Variants in BRWD1 observed in about 807,000 individuals in gnomAD.
BRWD1 encodes the protein bromodomain and WD repeat domain containing 1.
In BRWD1, 82 loss-of-function variants were observed where a neutral mutation model predicts 251.2. That is an observed-to-expected ratio of 0.33 (90% CI 0.27 to 0.39). The LOEUF (loss-of-function observed/expected upper bound fraction) is 0.39, where lower values mean the gene tolerates loss of function less well. Among genes scored for constraint, BRWD1 ranks in the 10% least tolerant of loss-of-function variants. BRWD1 has a pLI of 1.00. For missense variants in BRWD1, 2,233 were observed against 2,711.6 expected, an observed-to-expected ratio of 0.82 and a Z score of 3.92; for synonymous variants, 918 against 902.8, an observed-to-expected ratio of 1.02 and a Z score of -0.30.
intron 25 of BRWD1, among the ~76,000 whole-genome samples, chr21:39,231,222 C>T (rs950266565): frequency 6.6e-6 from 1 of 152,088 alleles, no homozygotes; most frequent in African/African-American, 2.4e-5. Context: ...TACTACTACC[C>T]CACAGATCAT....
At chr21:39,209,834 G>C in intron 36 of BRWD1, 161 bp downstream of exon 36, 2 of 659,838 alleles carry the variant, frequency 3.0e-6, no homozygotes, top group Non-Finnish European at 2.3e-6. Flanking sequence ...AGCAGTAGCA[G>C]AAGCTCTTTT....
intron 39 of BRWD1, among the ~76,000 whole-genome samples, chr21:39,199,919 T>C (rs2234545): frequency 0.1 from 15,517 of 152,162 alleles, 924 homozygotes; most frequent in East Asian, 0.14. Flanking sequence ...CCTGGCTAAT[T>C]TTTTGTATTT....
Position 39,193,200 on chromosome 21 carries a change from G to A in BRWD1, c.*3059C>T. The A allele has an allele frequency of 1.0e-6, 1 of 984,998 alleles. No individual in the cohort carries two copies. Among genetic ancestry groups the A allele is most frequent in the Non-Finnish European group, 1.2e-6 (1 of 829,656 alleles). The allele number at this position is 984,998 out of a possible 1,614,324, so 61.0% of individuals were successfully genotyped here. ...AAACCCAATTTCCTCTTTAGGTGCA[G>A]CTCTACTATTTGAAAGGAACCTTTC... On this transcript the variant is annotated 3_prime_UTR_variant, in exon 41 of 41. Transcript: ENST00000342449.
At chr21:39,265,214 A>G (rs186238971) in intron 15 of BRWD1, among the ~76,000 whole-genome samples, 195 bp from the exon 16 acceptor site, 36 of 152,224 alleles carry the variant, frequency 2.4e-4, no homozygotes, top group African/African-American at 8.2e-4. Context: ...GCCTGAGCAC[A>G]GGAGTTCAAG....
intron 19 of BRWD1, among the ~76,000 whole-genome samples, chr21:39,252,588 T>C (rs1364587192): frequency 6.6e-6 from 1 of 152,254 alleles, no homozygotes; most frequent in Non-Finnish European, 1.5e-5. Context: ...CAATCAATTA[T>C]CGCCTTTATA....
intron 37 of BRWD1, among the ~76,000 whole-genome samples, chr21:39,203,295 T>G (rs907494352): frequency 6.6e-6 from 1 of 152,008 alleles, no homozygotes; most frequent in East Asian, 1.9e-4. Flanking sequence ...CTACAAAAAA[T>G]TTAAAAATTA....
rs1272403293 is a variant in BRWD1, at chr21:39,190,999, T to C, written c.*5260A>G. 2.0e-6 allele frequency: 2 copies of C among 985,194 alleles called. No homozygotes were observed. The highest frequency in any genetic ancestry group is 4.7e-5 in the South Asian group (1 of 21,292). 61.0% of individuals were successfully genotyped at this position (985,194 alleles called of 1,614,324 possible). A position where few individuals can be genotyped will look rare whatever the true frequency, so the allele number is the denominator to read the frequency against. On this transcript the variant is annotated 3_prime_UTR_variant, in exon 41 of 41. Coordinates refer to ENST00000342449, the MANE Select transcript of BRWD1 (RefSeq NM_033656.4). Reference sequence around the variant, plus strand: ...GAAAAACTCAGATTTGTGATGGCTATTGCAATTTTTAATAAAAATCTCATA... The same window carrying C: ...GAAAAACTCAGATTTGTGATGGCTACTGCAATTTTTAATAAAAATCTCATA...
At chr21:39,225,225 C>T in intron 27 of BRWD1, 28 bp from the exon 28 acceptor site, 2 of 1,436,612 alleles carry the variant, frequency 1.4e-6, no homozygotes, top group Admixed American at 1.7e-5. Context: ...AAGTCTGAGG[C>T]ATTTCTCTGC....
intron 5 of BRWD1, chr21:39,297,155 C>T (rs1406536906): frequency 2.0e-6 from 2 of 985,270 alleles, no homozygotes; most frequent in Non-Finnish European, 2.4e-6. Context: ...TAGGAGATAG[C>T]AGCAGAACAT....
Position 39,196,129 on chromosome 21 carries a change from A to G in BRWD1, c.*130T>C. The G allele has an allele frequency of 6.9e-7, 1 of 1,447,554 alleles. No individual in the cohort carries two copies. Among genetic ancestry groups the G allele is most frequent in the Non-Finnish European group, 9.0e-7 (1 of 1,107,842 alleles). The allele number at this position is 1,447,554 out of a possible 1,614,324, so 89.7% of individuals were successfully genotyped here. ...AAAATAACAGTCATGATTTAGTCAC[A>G]TTCATAACTTTTCATAGAAAAATAT... On this transcript the variant is annotated 3_prime_UTR_variant, in exon 41 of 41. Transcript: ENST00000342449.
chr21:39,213,928 A>C (rs140887763), intron 32 of BRWD1, among the ~76,000 whole-genome samples: 431 of 149,984 alleles, frequency 2.9e-3, no homozygotes, highest in African/African-American at 0.01. Flanking sequence ...ATATATATAC[A>C]TATATATATA....
At position 39,189,685 on chromosome 21, in the gene BRWD1, T is replaced by G. The variant is rs1296244175; in HGVS notation, c.*6574A>C. ...AGGAAGACAAAACTGTGGAGAATTT[T>G]TTTAAATACATTCAAGTCAGTGTTA... On this transcript the variant is annotated 3_prime_UTR_variant, in exon 41 of 41. Coordinates refer to ENST00000342449, the MANE Select transcript of BRWD1 (RefSeq NM_033656.4). 1 of 982,362 alleles carries G rather than the reference T, an allele frequency of 1.0e-6. No individual in the cohort carries two copies. The highest frequency in any genetic ancestry group is 1.1e-4 in the East Asian group (1 of 8,818). The allele number at this position is 982,362 out of a possible 1,614,324, so 60.9% of individuals were successfully genotyped here. A position where few individuals can be genotyped will look rare whatever the true frequency, so the allele number is the denominator to read the frequency against.
chr21:39,233,499 C>G (rs1380131091), intron 23 of BRWD1, among the ~76,000 whole-genome samples: 1 of 151,960 alleles, frequency 6.6e-6, no homozygotes, highest in African/African-American at 2.4e-5. Flanking sequence ...AGTATGAAGA[C>G]AGACATGTAA....
In BRWD1 at chr21:39,250,830, C is replaced by G. The variant is rs777190522; in HGVS notation, c.2315G>C (p.Gly772Ala). The G allele has an allele frequency of 6.3e-7, 1 of 1,598,914 alleles. No individual in the cohort carries two copies. The highest frequency in any genetic ancestry group is 8.5e-7 in the Non-Finnish European group (1 of 1,174,280). Residue 772 changes from glycine (G) to alanine (A), a missense_variant, in exon 20 of 41, where the codon GGA becomes GCA. Physicochemically the swap from Gly to Ala is moderately conservative, Grantham distance 60. This residue lies in a region of BRWD1 where 214 missense variants were observed against 222.0 expected (regional missense o/e 0.96). Coordinates refer to ENST00000342449, the MANE Select transcript of BRWD1 (RefSeq NM_033656.4). ...GEEERNLYII[G>A]RKRKTLQLSH... ...GAGCTGAAGAGTCTTTCTTTTTCTT[C>G]CTATTATATAAAGATTTCTTTCCTC...
At position 39,296,735 on chromosome 21, in the gene BRWD1, GT is replaced by G; in HGVS notation, c.350-373del. The G allele has an allele frequency of 6.6e-6, 5 of 753,834 alleles. 1 individual carries two copies. The highest frequency in any genetic ancestry group is 7.3e-6 in the Non-Finnish European group (5 of 687,264). The allele number at this position is 753,834 out of a possible 1,614,324, so 46.7% of individuals were successfully genotyped here. A position where few individuals can be genotyped will look rare whatever the true frequency, so the allele number is the denominator to read the frequency against. ...TAAAGAGATCCACAGCAAATGATTG[GT>G]AAAAGATGGACCATAAAACCAGATC... On this transcript the variant is annotated intron_variant, in intron 5 of 40. Transcript: ENST00000342449.
Position 39,293,986 on chromosome 21 carries a change from C to T in BRWD1, c.656G>A (p.Arg219His), listed in dbSNP as rs372595428. 1.1e-4 allele frequency: 176 copies of T among 1,614,010 alleles called. No homozygotes were observed. The highest frequency in any genetic ancestry group is 2.0e-4 in the Admixed American group (12 of 59,994). ...ATGACCTCTTAATGTAGATAACAAG[C>T]GGCCATTATGTGTTGACCAAATCTT... ...LVKIWSTHNG[R>H]LLSTLRGHSA... The change falls in exon 8 of 41, where the codon CGC becomes CAC. Residue 219 changes from arginine to histidine, a missense_variant. This residue lies in a region of BRWD1 where 185 missense variants were observed against 260.6 expected (regional missense o/e 0.71). Transcript: ENST00000342449.
chr21:39,235,869 A>G (rs61056640), intron 23 of BRWD1: 3,563 of 166,684 alleles, frequency 0.021, 138 homozygotes, highest in African/African-American at 0.081. Context: ...ATGTGTGGAG[A>G]GAACCATGGC....
intron 8 of BRWD1, among the ~76,000 whole-genome samples, chr21:39,287,750 G>A (rs1339091009): frequency 6.6e-6 from 1 of 151,896 alleles, no homozygotes; most frequent in African/African-American, 2.4e-5. Flanking sequence ...CTTAATTTCT[G>A]TACTTATCTT....
intron 8 of BRWD1, among the ~76,000 whole-genome samples, chr21:39,281,931 CAT>C (rs1363324457): frequency 7.0e-6 from 1 of 143,238 alleles, no homozygotes; most frequent in Non-Finnish European, 1.6e-5. Context: ...CGTATACATA[CAT>C]ATACATGTGT....
Sources: gnomAD v4.1 joint callset for allele counts (sites outside exome capture counted in the v4.1 genomes callset) on GRCh38, gnomAD v4.1.1 for gene constraint, gnomAD v4.1.1 regional missense constraint, MANE v1.5 for transcripts, NCBI Gene and HGNC (gene_info 2026-07-23, HGNC 2026-07-21) for gene names.